Variants in CCDC3 observed in about 807,000 individuals in gnomAD.
CCDC3 encodes coiled-coil domain-containing protein 3.
Under a neutral mutation model 21.4 loss-of-function variants are expected in CCDC3, and 24 were observed. The observed-to-expected ratio is 1.12, with a 90% confidence interval of 0.81 to 1.58. The LOEUF (loss-of-function observed/expected upper bound fraction) is 1.58, where lower values mean the gene tolerates loss of function less well. CCDC3 is among the 40% of genes most tolerant of loss of function. The pLI is 0.00. For synonymous variants in CCDC3, 186 were observed against 166.0 expected (o/e 1.12, Z -0.93); for missense variants, 425 against 360.9 (o/e 1.18, Z -1.44).
chr10:12,916,156 A>G lies in CCDC3; in HGVS notation c.550-17477T>C, dbSNP rs534614339. Among the ~76,000 whole-genome samples the G allele has an allele frequency of 3.9e-5, 6 of 152,300 alleles. No homozygotes were observed. In the East Asian group the frequency reaches 5.8e-4, roughly 15 times the overall value. On this transcript the variant is annotated intron_variant, in intron 2 of 2. Transcript: ENST00000378825. ...ATGTCTTAAGATGCCAACCTGGGCC[A>G]GGCGCAGTGGTTCACGCCTGAAGTC...
chr10:13,010,013 T>C (rs1835966020), intron 5 of CCDC3, among the ~76,000 whole-genome samples: 1 of 152,202 alleles, frequency 6.6e-6, no homozygotes, highest in Admixed American at 6.5e-5. Flanking sequence ...TTTGGGAGGC[T>C]GAGGCGGTTG....
intron 2 of CCDC3, among the ~76,000 whole-genome samples, chr10:12,985,674 T>C (rs73583854): frequency 0.015 from 2,330 of 152,248 alleles, 64 homozygotes; most frequent in African/African-American, 0.053. Context: ...AAGGCACATA[T>C]AGTATGATTA....
intron 2 of CCDC3, among the ~76,000 whole-genome samples, chr10:12,986,518 T>C (rs918915924): frequency 6.6e-6 from 1 of 152,220 alleles, no homozygotes; most frequent in Non-Finnish European, 1.5e-5. Context: ...TTCACGCCTG[T>C]AATCCCAGCA....
intron 5 of CCDC3, among the ~76,000 whole-genome samples, chr10:13,039,594 T>G (rs1836422980): frequency 6.6e-6 from 1 of 152,192 alleles, no homozygotes; most frequent in South Asian, 2.1e-4. Flanking sequence ...TGGTCACAAA[T>G]AGTAAGTTAA....
chr10:12,997,277 C>A (rs1296717233), intron 2 of CCDC3, among the ~76,000 whole-genome samples: 5 of 151,974 alleles, frequency 3.3e-5, no homozygotes, highest in Non-Finnish European at 7.4e-5. Context: ...CCATGTGATA[C>A]CCACATCAGA....
chr10:13,098,553 G>A (rs1168965750), exon 3 of CCDC3: 1 of 152,062 alleles, frequency 6.6e-6, no homozygotes, highest in Non-Finnish European at 1.5e-5. Context: ...GCCCCGGGGG[G>A]ACCCTTTTCT....
At chr10:13,030,699 T>G (rs577965950) in intron 5 of CCDC3, among the ~76,000 whole-genome samples, 31 of 151,880 alleles carry the variant, frequency 2.0e-4, no homozygotes, top group African/African-American at 7.2e-4. Flanking sequence ...GCAATCCTAG[T>G]CTCTGATAAA....
intron 1 of CCDC3, among the ~76,000 whole-genome samples, chr10:12,998,868 T>C (rs890209295): frequency 6.6e-6 from 1 of 152,330 alleles, no homozygotes; most frequent in South Asian, 2.1e-4. Flanking sequence ...TTAAGTTCTG[T>C]CTTTGCTATT....
intron 5 of CCDC3, among the ~76,000 whole-genome samples, chr10:13,028,906 G>A (rs1185522786): frequency 1.3e-5 from 2 of 152,276 alleles, no homozygotes; most frequent in South Asian, 2.1e-4. Flanking sequence ...GAAGCACAGT[G>A]CTTCCCTCCC....
chr10:13,042,666 T>C (rs536225932), intron 5 of CCDC3, among the ~76,000 whole-genome samples: 1 of 151,642 alleles, frequency 6.6e-6, no homozygotes, highest in South Asian at 2.1e-4. Context: ...CTCAGCACTT[T>C]GGGAGGCTGA....
intron 2 of CCDC3, among the ~76,000 whole-genome samples, chr10:12,938,427 C>T (rs1479715842): frequency 6.6e-6 from 1 of 152,224 alleles, no homozygotes; most frequent in Non-Finnish European, 1.5e-5. Flanking sequence ...GCTATCCCCA[C>T]TGCTACGTCA....
chr10:12,985,708 C>A (rs60568361), intron 2 of CCDC3, among the ~76,000 whole-genome samples: 66,914 of 151,962 alleles, frequency 0.44, 14,829 homozygotes, highest in East Asian at 0.54. Context: ...CCTGAAATAA[C>A]ATTATAGATA....
intron 2 of CCDC3, among the ~76,000 whole-genome samples, chr10:12,930,629 G>A (rs1347791699): frequency 6.6e-6 from 1 of 152,126 alleles, no homozygotes; most frequent in Non-Finnish European, 1.5e-5. Flanking sequence ...CTCAACCGGT[G>A]GCAATGTCAT....
chr10:12,918,602 T>C lies in CCDC3; in HGVS notation c.550-19923A>G, dbSNP rs575760267. Among the ~76,000 whole-genome samples the C allele has an allele frequency of 3.3e-5, 5 of 152,328 alleles. No homozygotes were observed. The East Asian group carries it at 9.6e-4, about 29-fold the overall frequency. Reference sequence around the variant, plus strand: ...CTAGAAAAATATGCACAGATGTTGATAACAGGATGATCACTGAAAAAGCAG... The same window carrying C: ...CTAGAAAAATATGCACAGATGTTGACAACAGGATGATCACTGAAAAAGCAG... On this transcript the variant is annotated intron_variant, in intron 2 of 2. Transcript: ENST00000378825.
At chr10:13,054,913 C>T (rs1309476373) in intron 4 of CCDC3, among the ~76,000 whole-genome samples, 3 of 152,180 alleles carry the variant, frequency 2.0e-5, no homozygotes, top group African/African-American at 2.4e-5. Flanking sequence ...GTGATTGACC[C>T]GCCTTGGCCT....
At chr10:13,059,354 G>A (rs1170179742) in intron 4 of CCDC3, among the ~76,000 whole-genome samples, 1 of 152,178 alleles carries the variant, frequency 6.6e-6, no homozygotes, top group Non-Finnish European at 1.5e-5. Context: ...GATATGAGAT[G>A]AGAAGTAAGT....
At chr10:12,983,155 T>C (rs1022095574) in intron 2 of CCDC3, among the ~76,000 whole-genome samples, 39 of 66,452 alleles carry the variant, frequency 5.9e-4, no homozygotes, top group Non-Finnish European at 9.6e-4. Context: ...TATATATATA[T>C]ATATATATAT....
chr10:12,901,821 C>T (rs1834097551), intron 2 of CCDC3, among the ~76,000 whole-genome samples: 1 of 152,192 alleles, frequency 6.6e-6, no homozygotes, highest in African/African-American at 2.4e-5. Context: ...CTTCTGTTCC[C>T]ACATTTTATA....
chr10:13,098,710 A>ATTTTGTTTTTTTTT, intron 2 of CCDC3: 1 of 64,854 alleles, frequency 1.5e-5, no homozygotes, highest in Non-Finnish European at 2.7e-5. Context: ...TCCTGCACTG[A>ATTTTGTTTTTTTTT]TTTTTTTTTT....
Sources: gnomAD v4.1 joint callset for allele counts (sites outside exome capture counted in the v4.1 genomes callset) on GRCh38, gnomAD v4.1.1 for gene constraint, MANE v1.5 for transcripts, NCBI Gene and HGNC (gene_info 2026-07-23, HGNC 2026-07-21) for gene names.